The following KCNIP4 variants were observed in gnomAD, a reference collection of about 807,000 sequenced individuals.
KCNIP4 encodes the protein potassium voltage-gated channel interacting protein 4, also known as Kv channel-interacting protein 4.
Under a neutral mutation model 34.0 loss-of-function variants are expected in KCNIP4, and 12 were observed. The ratio of observed to expected loss-of-function variants is 0.35; its 90% CI spans 0.23 to 0.57. The LOEUF (loss-of-function observed/expected upper bound fraction) is 0.57, where lower values mean the gene tolerates loss of function less well. Ranked by LOEUF, KCNIP4 falls within the 20% of genes least tolerant of loss-of-function variation. The pLI is 0.83. For missense variants in KCNIP4, 238 were observed against 311.7 expected (o/e 0.76, Z 1.78); for synonymous variants, 124 against 102.2 (o/e 1.21, Z -1.29).
chr4:20,781,580 A>G (rs1456515298), intron 3 of KCNIP4, among the ~76,000 whole-genome samples: 1 of 152,194 alleles, frequency 6.6e-6, no homozygotes, highest in Admixed American at 6.5e-5. Flanking sequence ...GAGGAAGATG[A>G]AAGAATGAAA....
chr4:21,308,758 G>T (rs115911328), intron 1 of KCNIP4, among the ~76,000 whole-genome samples: 1 of 151,842 alleles, frequency 6.6e-6, no homozygotes, highest in African/African-American at 2.4e-5. Flanking sequence ...AGTATGAAGC[G>T]GCAGTGAGAG....
At chr4:21,388,964 T>G (rs1722284318) in intron 1 of KCNIP4, among the ~76,000 whole-genome samples, 1 of 147,828 alleles carries the variant, frequency 6.8e-6, no homozygotes, top group African/African-American at 2.5e-5. Flanking sequence ...TGTGCAAGCT[T>G]TATGTTGACA....
intron 1 of KCNIP4, among the ~76,000 whole-genome samples, chr4:21,499,851 A>AT (rs149294989): frequency 0.019 from 2,962 of 152,218 alleles, 95 homozygotes; most frequent in East Asian, 0.12. Flanking sequence ...AAGCTGACTT[A>AT]TTTTCCAAGT....
In KCNIP4 at chr4:21,304,053, GAGAGAGAGAGAGAGAC is replaced by G. The variant is rs1211446883; in HGVS notation, c.62-421360_62-421345del. ...TATGAGAGAGAGAGAGAGAGAGAGA[GAGAGAGAGAGAGAGAC>G]AGAGAGAGAGAGAGAGACAGAGAGA... On this transcript the variant is annotated intron_variant, in intron 1 of 8. Coordinates refer to ENST00000382152, the MANE Select transcript of KCNIP4 (RefSeq NM_025221.6). The G allele has an allele frequency of 2.9e-3, 1,378 of 479,438 alleles. 17 individuals are homozygous for G. The African/African-American group carries it at 0.046, about 16-fold the overall frequency. The allele number at this position is 479,438 out of a possible 1,614,324, so 29.7% of individuals were successfully genotyped here.
chr4:21,792,098 G>T (rs13128557), intron 1 of KCNIP4, among the ~76,000 whole-genome samples: 144,726 of 150,894 alleles, frequency 0.96, 69,658 homozygotes, highest in East Asian at 1. Context: ...TCTGATTTTC[G>T]TGGTGGGAAG....
chr4:21,798,191 T>G (rs552684289), intron 1 of KCNIP4, among the ~76,000 whole-genome samples: 4 of 151,820 alleles, frequency 2.6e-5, no homozygotes, highest in African/African-American at 9.6e-5. Flanking sequence ...AAAACCTACA[T>G]GTATACATAT....
rs187691516 is a variant in KCNIP4, at chr4:21,458,298, C to T, written c.61+490273G>A. Among the ~76,000 whole-genome samples, 1,285 of 151,818 alleles carry T rather than the reference C, an allele frequency of 8.5e-3. 20 individuals carry two copies. The highest frequency in any genetic ancestry group is 0.03 in the African/African-American group (1,226 of 41,356). On this transcript the variant is annotated intron_variant, in intron 1 of 8. Coordinates refer to ENST00000382152, the MANE Select transcript of KCNIP4 (RefSeq NM_025221.6). Reference sequence around the variant, plus strand: ...TGAGAATGATGATTTCCAATTTCATCCATGTCCCTACAAAGGACAGGAACT... The same window carrying T: ...TGAGAATGATGATTTCCAATTTCATTCATGTCCCTACAAAGGACAGGAACT...
At chr4:21,451,084 CA>C (rs1402062418) in intron 1 of KCNIP4, among the ~76,000 whole-genome samples, 2 of 151,934 alleles carry the variant, frequency 1.3e-5, no homozygotes, top group African/African-American at 2.4e-5. Flanking sequence ...TTGAGAACAA[CA>C]AAAAAATTGG....
At chr4:20,942,440 A>AATCACAG in intron 1 of KCNIP4, among the ~76,000 whole-genome samples, 1 of 152,196 alleles carries the variant, frequency 6.6e-6, no homozygotes, top group Non-Finnish European at 1.5e-5. Context: ...AGAGGCAGTG[A>AATCACAG]ATCACAGAAG....
intron 3 of KCNIP4, among the ~76,000 whole-genome samples, chr4:20,764,370 G>C (rs1003038409): frequency 6.6e-6 from 1 of 151,958 alleles, no homozygotes; most frequent in Non-Finnish European, 1.5e-5. Flanking sequence ...TTTAGTGACT[G>C]CATAATAATG....
chr4:21,586,951 AC>A (rs1196728026), intron 1 of KCNIP4, among the ~76,000 whole-genome samples: 1 of 152,072 alleles, frequency 6.6e-6, no homozygotes, highest in Non-Finnish European at 1.5e-5. Flanking sequence ...ATTATTTATA[AC>A]AAAAAGCAAA....
chr4:21,476,890 T>C (rs1439628995), intron 1 of KCNIP4, among the ~76,000 whole-genome samples: 2 of 152,118 alleles, frequency 1.3e-5, no homozygotes, highest in Non-Finnish European at 2.9e-5. Flanking sequence ...CTTCCTTTTC[T>C]CCTTGGCTCC....
chr4:21,857,641 G>A lies in KCNIP4; in HGVS notation c.61+90930C>T, dbSNP rs116718046. 7.9e-3 allele frequency among the ~76,000 whole-genome samples: 1,204 copies of A among 152,268 alleles called. 16 individuals carry two copies. Among genetic ancestry groups the A allele is most frequent in the African/African-American group, 0.027 (1,139 of 41,540 alleles). ...CTGAGGAAAGGAGCTACCCACTGTGGGTCTCCTCTGAGCTGTTTTATAACT... is the reference window on the plus strand; with the variant it reads ...CTGAGGAAAGGAGCTACCCACTGTGAGTCTCCTCTGAGCTGTTTTATAACT... On this transcript the variant is annotated intron_variant, in intron 1 of 8. Transcript: ENST00000382152.
intron 1 of KCNIP4, among the ~76,000 whole-genome samples, chr4:20,924,645 T>C (rs1260648659): frequency 6.6e-6 from 1 of 152,222 alleles, no homozygotes; most frequent in African/African-American, 2.4e-5. Flanking sequence ...TTAGTAAGCA[T>C]ATATGTCAAA....
At chr4:21,361,461 A>G (rs1348850210) in intron 1 of KCNIP4, among the ~76,000 whole-genome samples, 1 of 152,022 alleles carries the variant, frequency 6.6e-6, no homozygotes, top group Non-Finnish European at 1.5e-5. Flanking sequence ...TAAAAGAAAG[A>G]CATTATCTAG....
chr4:21,858,405 T>C (rs1215998872), intron 1 of KCNIP4, among the ~76,000 whole-genome samples: 1 of 152,260 alleles, frequency 6.6e-6, no homozygotes, highest in Non-Finnish European at 1.5e-5. Flanking sequence ...GCTTTTCTTG[T>C]CATTTTCTGG....
intron 1 of KCNIP4, among the ~76,000 whole-genome samples, chr4:21,379,262 T>C (rs1577264405): frequency 6.6e-6 from 1 of 152,224 alleles, no homozygotes; most frequent in Non-Finnish European, 1.5e-5. Context: ...CTTCAAAATA[T>C]ATTCAAAATC....
intron 1 of KCNIP4, among the ~76,000 whole-genome samples, chr4:21,648,630 GAC>G (rs1747220599): frequency 1.3e-5 from 2 of 152,112 alleles, no homozygotes; most frequent in African/African-American, 4.8e-5. Flanking sequence ...AGAGATTAGA[GAC>G]ACATTCAATA....
intron 2 of KCNIP4, among the ~76,000 whole-genome samples, chr4:20,853,106 A>T (rs1395607484): frequency 6.6e-6 from 1 of 152,220 alleles, no homozygotes. Context: ...TACCATGATT[A>T]TTCTTCACAG....
Sources: gnomAD v4.1 joint callset for allele counts (sites outside exome capture counted in the v4.1 genomes callset) on GRCh38, gnomAD v4.1.1 for gene constraint, MANE v1.5 for transcripts, NCBI Gene and HGNC (gene_info 2026-07-23, HGNC 2026-07-21) for gene names.